The following AUTS2 variants were observed in gnomAD, a reference collection of about 807,000 sequenced individuals.
AUTS2 encodes the protein autism susceptibility gene 2 protein.
AUTS2 carries 17 observed loss-of-function variants against 112.4 expected under a neutral mutation model. That is an observed-to-expected ratio of 0.15 (90% CI 0.10 to 0.23). AUTS2 has a LOEUF of 0.23. AUTS2 is among the 10% of genes least tolerant of loss of function. The pLI is 1.00. For synonymous variants in AUTS2, 751 were observed against 702.7 expected, an observed-to-expected ratio of 1.07 and a Z score of -1.09; for missense variants, 1,510 against 1,701.6, an observed-to-expected ratio of 0.89 and a Z score of 1.98.
chr7:70,389,886 A>G (rs994032290), intron 4 of AUTS2, among the ~76,000 whole-genome samples: 1 of 152,202 alleles, frequency 6.6e-6, no homozygotes, highest in African/African-American at 2.4e-5. Flanking sequence ...TTGAAAGACT[A>G]GAATTATTCA....
At chr7:70,744,585 A>G (rs766303753) in intron 6 of AUTS2, among the ~76,000 whole-genome samples, 11 of 152,178 alleles carry the variant, frequency 7.2e-5, no homozygotes, top group Non-Finnish European at 1.3e-4. Context: ...GGGGAACAGT[A>G]AGCCAGCCTT....
At chr7:70,219,817 G>A (rs567230682) in intron 4 of AUTS2, among the ~76,000 whole-genome samples, 3 of 152,108 alleles carry the variant, frequency 2.0e-5, no homozygotes, top group African/African-American at 4.8e-5. Context: ...TGATCCACCC[G>A]CCTCGGCCTC....
chr7:70,773,469 A>G (rs1790490135), intron 11 of AUTS2, among the ~76,000 whole-genome samples: 4 of 152,260 alleles, frequency 2.6e-5, no homozygotes, highest in Admixed American at 2.0e-4. Flanking sequence ...ATCAAAGAGC[A>G]GATCCGCAAG....
At chr7:69,931,990 T>G (rs1281061233) in intron 2 of AUTS2, among the ~76,000 whole-genome samples, 1 of 152,168 alleles carries the variant, frequency 6.6e-6, no homozygotes, top group African/African-American at 2.4e-5. Flanking sequence ...TCACAAAATA[T>G]GTTTCCTCTC....
chr7:69,924,331 T>A (rs1175643501), intron 2 of AUTS2, among the ~76,000 whole-genome samples: 1 of 152,128 alleles, frequency 6.6e-6, no homozygotes, highest in Non-Finnish European at 1.5e-5. Flanking sequence ...TGGATTTGAT[T>A]TGTTAAAAAT....
At chr7:70,451,614 T>C (rs1796537664) in intron 5 of AUTS2, among the ~76,000 whole-genome samples, 1 of 152,182 alleles carries the variant, frequency 6.6e-6, no homozygotes, top group African/African-American at 2.4e-5. Flanking sequence ...CCATATATAG[T>C]TCATTTAAAC....
chr7:70,706,083 G>C (rs952180469), intron 6 of AUTS2, among the ~76,000 whole-genome samples: 1 of 152,182 alleles, frequency 6.6e-6, no homozygotes, highest in Non-Finnish European at 1.5e-5. Context: ...ACAGATGTCT[G>C]CTCTTCTGCA....
At chr7:70,109,523 T>A (rs1584735646) in intron 2 of AUTS2, among the ~76,000 whole-genome samples, 1 of 152,326 alleles carries the variant, frequency 6.6e-6, no homozygotes, top group East Asian at 1.9e-4. Flanking sequence ...TTAGACTTTT[T>A]GGTCAAAAAT....
intron 6 of AUTS2, among the ~76,000 whole-genome samples, chr7:70,705,956 A>G (rs1248887958): frequency 6.6e-6 from 1 of 152,186 alleles, no homozygotes; most frequent in East Asian, 1.9e-4. Context: ...GGGAGTAGGG[A>G]AAAAGTATTC....
intron 5 of AUTS2, among the ~76,000 whole-genome samples, chr7:70,611,431 A>G (rs530926243): frequency 6.6e-6 from 1 of 152,236 alleles, no homozygotes; most frequent in Non-Finnish European, 1.5e-5. Context: ...AAACAGCAAC[A>G]TATCTAGAGA....
Position 69,845,801 on chromosome 7 carries a change from C to T in AUTS2, c.310-53485C>T, listed in dbSNP as rs570916249. Among the ~76,000 whole-genome samples the T allele has an allele frequency of 1.3e-5, 2 of 152,244 alleles. 1 individual carries two copies. Among genetic ancestry groups the T allele is most frequent in the African/African-American group, 4.8e-5 (2 of 41,548 alleles). On this transcript the variant is annotated intron_variant, in intron 1 of 18. Transcript: ENST00000342771. ...CCAGATTCTTTCTTCTGTACTCTTT[C>T]CTCTTCTCTGTTTTCCACCAATCCA... is the stretch of plus-strand genomic sequence containing the variant.
At chr7:69,694,285 T>C (rs1797464038) in intron 1 of AUTS2, among the ~76,000 whole-genome samples, 2 of 152,302 alleles carry the variant, frequency 1.3e-5, no homozygotes, top group Non-Finnish European at 2.9e-5. Context: ...ATTAGGAATG[T>C]TTAATTTTTG....
intron 6 of AUTS2, among the ~76,000 whole-genome samples, chr7:70,746,268 C>T (rs1392071162): frequency 6.6e-6 from 1 of 152,134 alleles, no homozygotes; most frequent in Non-Finnish European, 1.5e-5. Flanking sequence ...GCCTCAGCCT[C>T]CTGAGTAGCT....
intron 5 of AUTS2, among the ~76,000 whole-genome samples, chr7:70,575,710 T>C (rs945614409): frequency 6.6e-6 from 1 of 152,214 alleles, no homozygotes; most frequent in Admixed American, 6.5e-5. Context: ...GACAGTTAAC[T>C]GCGGGCCTGT....
At chr7:69,941,604 G>A (rs1796629476) in intron 2 of AUTS2, among the ~76,000 whole-genome samples, 1 of 149,006 alleles carries the variant, frequency 6.7e-6, no homozygotes, top group South Asian at 2.1e-4. Context: ...TTGGCTGTGT[G>A]ACAGGTGCCT....
intron 1 of AUTS2, among the ~76,000 whole-genome samples, chr7:69,871,410 C>T (rs1362220071): frequency 1.5e-4 from 23 of 152,042 alleles, no homozygotes; most frequent in Non-Finnish European, 4.4e-5. Flanking sequence ...ATTCCAAGAC[C>T]CCTAGTGGAT....
rs78592293 is a variant in AUTS2, at chr7:70,266,421, T to C, written c.660+131850T>C. 1.6e-4 allele frequency among the ~76,000 whole-genome samples: 25 copies of C among 152,248 alleles called. No homozygotes were observed. In the East Asian group the frequency reaches 4.6e-3, roughly 28 times the overall value. ...GGGTTTTCCTTTGGGGGTGATGAAA[T>C]GTTCTGGAATCAGACAGTGGTGGGG... On this transcript the variant is annotated intron_variant, in intron 4 of 18. Transcript: ENST00000342771.
intron 5 of AUTS2, among the ~76,000 whole-genome samples, chr7:70,486,616 G>A (rs1159070249): frequency 4.6e-5 from 7 of 151,950 alleles, no homozygotes; most frequent in South Asian, 2.1e-4. Context: ...AAAATTAGCC[G>A]GGCATGGTGG....
chr7:70,136,717 G>A (rs779385979), intron 4 of AUTS2, among the ~76,000 whole-genome samples: 1 of 152,176 alleles, frequency 6.6e-6, no homozygotes, highest in Non-Finnish European at 1.5e-5. Flanking sequence ...TTGAAATGTG[G>A]ATGGAGGGAA....
Sources: gnomAD v4.1 joint callset for allele counts (sites outside exome capture counted in the v4.1 genomes callset) on GRCh38, gnomAD v4.1.1 for gene constraint, MANE v1.5 for transcripts, NCBI Gene and HGNC (gene_info 2026-07-23, HGNC 2026-07-21) for gene names.